Variants in EXTL3 observed in about 807,000 individuals in gnomAD.
EXTL3 encodes the protein exostosin-like 3.
A neutral mutation model predicts 69.3 loss-of-function variants in EXTL3; 27 were observed. That is an observed-to-expected ratio of 0.39 (90% CI 0.29 to 0.54). The LOEUF is 0.54. Among genes scored for constraint, EXTL3 ranks in the 20% least tolerant of loss-of-function variants. The pLI is 0.69. For missense variants in EXTL3, 1,003 were observed against 1,231.8 expected (o/e 0.81, Z 2.78); for synonymous variants, 511 against 499.4 (o/e 1.02, Z -0.31).
At chr8:28,678,204 A>G (rs1807420306) in intron 1 of EXTL3, 1 of 152,392 alleles carries the variant, frequency 6.6e-6, no homozygotes, top group South Asian at 2.1e-4. Context: ...GTGAGTGTGC[A>G]GTGACCCTGC....
chr8:28,738,825 C>T (rs1272619330), intron 5 of EXTL3, among the ~76,000 whole-genome samples: 1 of 152,220 alleles, frequency 6.6e-6, no homozygotes, highest in Admixed American at 6.5e-5. Flanking sequence ...CAGCTCCTGT[C>T]GTCTGTCTTG....
intron 1 of EXTL3, among the ~76,000 whole-genome samples, chr8:28,671,996 T>C (rs1277160990): frequency 2.6e-5 from 4 of 152,176 alleles, no homozygotes; most frequent in Non-Finnish European, 4.4e-5. Flanking sequence ...CAAAAACTTA[T>C]GTTCCTCCGC....
intron 1 of EXTL3, among the ~76,000 whole-genome samples, chr8:28,625,543 C>T (rs1239992351): frequency 1.3e-5 from 2 of 152,188 alleles, no homozygotes; most frequent in African/African-American, 4.8e-5. Context: ...GAGATAGTCA[C>T]TCATACATGA....
chr8:28,661,001 C>A (rs1807104336), intron 1 of EXTL3, among the ~76,000 whole-genome samples: 1 of 150,934 alleles, frequency 6.6e-6, no homozygotes, highest in East Asian at 1.9e-4. Context: ...GCAAGCTCCG[C>A]CTCCCGGGTT....
chr8:28,689,161 T>G (rs1037974812), intron 1 of EXTL3, among the ~76,000 whole-genome samples: 3 of 152,236 alleles, frequency 2.0e-5, no homozygotes, highest in Admixed American at 1.3e-4. Context: ...GCTCAGCCCC[T>G]TGCAGTCTTT....
At chr8:28,614,017 G>T (rs1389725440) in intron 2 of EXTL3, among the ~76,000 whole-genome samples, 1 of 151,722 alleles carries the variant, frequency 6.6e-6, no homozygotes, top group Non-Finnish European at 1.5e-5. Flanking sequence ...TAGAGATGGG[G>T]TCTCATGAAA....
At chr8:28,737,475 A>C in intron 4 of EXTL3, 44 bp from the exon 5 acceptor site, 1 of 1,611,148 alleles carries the variant, frequency 6.2e-7, no homozygotes, top group South Asian at 1.1e-5. Flanking sequence ...TGATGACCCT[A>C]GAGCTCTGTA....
chr8:28,745,604 C>T (rs1180545491), intron 6 of EXTL3, among the ~76,000 whole-genome samples: 1 of 152,166 alleles, frequency 6.6e-6, no homozygotes, highest in African/African-American at 2.4e-5. Context: ...AGGGACTGGA[C>T]TTGAGTCAAG....
At chr8:28,632,647 G>A (rs572605731) in intron 1 of EXTL3, among the ~76,000 whole-genome samples, 98 of 149,006 alleles carry the variant, frequency 6.6e-4, no homozygotes, top group African/African-American at 2.4e-3. Context: ...TCTGTCTCCT[G>A]GGTTGAAGCG....
chr8:28,736,368 A>G (rs1801652329), intron 4 of EXTL3, among the ~76,000 whole-genome samples: 1 of 152,170 alleles, frequency 6.6e-6, no homozygotes. Context: ...AGGCAGTTTA[A>G]ATCTCTGGCA....
At chr8:28,682,637 T>C (rs1807507857) in intron 1 of EXTL3, among the ~76,000 whole-genome samples, 1 of 152,142 alleles carries the variant, frequency 6.6e-6, no homozygotes, top group Admixed American at 6.6e-5. Context: ...AGAGATGAGG[T>C]TTCACCATGT....
At chr8:28,710,788 C>G (rs1469827810) in intron 1 of EXTL3, among the ~76,000 whole-genome samples, 1 of 151,678 alleles carries the variant, frequency 6.6e-6, no homozygotes. Flanking sequence ...CCTCTCCCCT[C>G]AGCCTTCTGG....
Position 28,650,199 on chromosome 8 carries a change from A to G in EXTL3, c.-53+27389A>G, listed in dbSNP as rs796161350. On this transcript the variant is annotated intron_variant, in intron 1 of 6. Transcript: ENST00000523149. ...TGACAGAGTGAGACTCTGTCTCAGG[A>G]AAAAAAAAAAAAAAAAAAATCCAGA... is the stretch of plus-strand genomic sequence containing the variant. Among the ~76,000 whole-genome samples the G allele has an allele frequency of 3.1e-3, 345 of 113,032 alleles. 1 individual carries two copies. Among genetic ancestry groups the G allele is most frequent in the African/African-American group, 0.015 (331 of 22,184 alleles). 74.2% of individuals were successfully genotyped at this position (113,032 alleles called of 152,430 possible).
intron 1 of EXTL3, among the ~76,000 whole-genome samples, chr8:28,628,699 G>A (rs1265498692): frequency 6.6e-6 from 1 of 152,114 alleles, no homozygotes; most frequent in Non-Finnish European, 1.5e-5. Flanking sequence ...TGTTTCCCAG[G>A]CTAGAGTGCA....
At chr8:28,672,367 G>A (rs1002222483) in intron 1 of EXTL3, among the ~76,000 whole-genome samples, 5 of 136,336 alleles carry the variant, frequency 3.7e-5, no homozygotes, top group South Asian at 2.6e-4. Flanking sequence ...GCAGTGAGCC[G>A]AGATCGTGCC....
At chr8:28,690,845 A>G (rs898640407) in intron 1 of EXTL3, among the ~76,000 whole-genome samples, 30 of 152,268 alleles carry the variant, frequency 2.0e-4, no homozygotes, top group African/African-American at 7.0e-4. Flanking sequence ...GCTGTGTTCC[A>G]TTGGCCACAC....
chr8:28,689,188 C>T (rs1049579261), intron 1 of EXTL3, among the ~76,000 whole-genome samples: 1 of 152,220 alleles, frequency 6.6e-6, no homozygotes, highest in Non-Finnish European at 1.5e-5. Flanking sequence ...AATTCTCCCC[C>T]AAATCACTCA....
intron 1 of EXTL3, among the ~76,000 whole-genome samples, chr8:28,664,975 G>T (rs981163092): frequency 3.3e-5 from 5 of 150,842 alleles, no homozygotes; most frequent in Admixed American, 3.3e-4. Flanking sequence ...AGGAATATTG[G>T]ACTACCTGAC....
intron 1 of EXTL3, chr8:28,631,777 G>C (rs1806573443): frequency 6.6e-6 from 1 of 152,150 alleles, no homozygotes; most frequent in South Asian, 2.1e-4. Context: ...TTAATTTTCT[G>C]ATCCTCAATG....
Sources: gnomAD v4.1 joint callset for allele counts (sites outside exome capture counted in the v4.1 genomes callset) on GRCh38, gnomAD v4.1.1 for gene constraint, MANE v1.5 for transcripts, NCBI Gene and HGNC (gene_info 2026-07-23, HGNC 2026-07-21) for gene names.